NYAP1: variants seen among roughly 807,000 people sequenced by gnomAD.
NYAP1 encodes neuronal tyrosine phosphorylated phosphoinositide-3-kinase adaptor 1, also known as neuronal tyrosine-phosphorylated phosphoinositide-3-kinase adapter 1.
NYAP1 carries 20 observed loss-of-function variants against 58.6 expected under a neutral mutation model. That is an observed-to-expected ratio of 0.34 (90% confidence interval 0.24 to 0.50). The LOEUF (loss-of-function observed/expected upper bound fraction) is 0.50. NYAP1 is among the 20% of genes least tolerant of loss of function. NYAP1 has a pLI of 0.98. For missense variants in NYAP1, 1,150 were observed against 1,194.5 expected, an observed-to-expected ratio of 0.96 and a Z score of 0.55; for synonymous variants, 572 against 523.1, an observed-to-expected ratio of 1.09 and a Z score of -1.27.
At position 100,490,825 on chromosome 7, in the gene NYAP1, C is replaced by T. The variant is rs907218619; in HGVS notation, c.2158+96C>T. ...GTCCTGACTTCCTCTCACCTGTTCACGTCTGTGCCCAGGGCCCTAAATCCT... is the reference window on the plus strand; with the variant it reads ...GTCCTGACTTCCTCTCACCTGTTCATGTCTGTGCCCAGGGCCCTAAATCCT... On this transcript the variant is annotated intron_variant, in intron 5 of 6. Transcript: ENST00000300179. This position sits in a 1 kb window ranked among gnomAD's most constrained non-coding sequence, Gnocchi z 4.6. 3.7e-5 allele frequency: 46 copies of T among 1,228,454 alleles called. No individual in the cohort carries two copies. Among genetic ancestry groups the T allele is most frequent in the African/African-American group, 1.2e-4 (8 of 65,624 alleles). 76.1% of individuals were successfully genotyped at this position (1,228,454 alleles called of 1,614,324 possible).
chr7:100,491,649 C>T (rs1231187295), intron 6 of NYAP1, among the ~76,000 whole-genome samples: 2 of 150,950 alleles, frequency 1.3e-5, no homozygotes, highest in East Asian at 1.9e-4. Flanking sequence ...CGGTGGCTTA[C>T]GCCTGTAATC....
chr7:100,486,696 C>G lies in NYAP1; in HGVS notation c.69-125C>G, dbSNP rs543732502. ...GCCCTGGACCTTCTGGCAACCCTGT[C>G]CCCACCCAGGCTCCCGTCCTCTTCC... is the stretch of plus-strand genomic sequence containing the variant. On this transcript the variant is annotated intron_variant, in intron 2 of 6. Transcript: ENST00000300179. The surrounding 1 kb of genome is among the most constrained non-coding windows in gnomAD (Gnocchi z 6.2). The G allele has an allele frequency of 7.3e-5, 86 of 1,170,274 alleles. No homozygotes were observed. The highest frequency in any genetic ancestry group is 3.7e-4 in the Admixed American group (11 of 29,528). The allele number at this position is 1,170,274 out of a possible 1,614,324, so 72.5% of individuals were successfully genotyped here.
chr7:100,493,216 G>C (rs1161032642), intron 6 of NYAP1, among the ~76,000 whole-genome samples: 1 of 152,140 alleles, frequency 6.6e-6, no homozygotes, highest in Admixed American at 6.5e-5. Context: ...CAATTAGCTG[G>C]TGTAGTGGTA....
At position 100,488,513 on chromosome 7, in the gene NYAP1, G is replaced by A; in HGVS notation, c.792G>A (p.Met264Ile). 6.2e-7 allele frequency: 1 copy of A among 1,612,412 alleles called. No homozygotes were observed. The highest frequency in any genetic ancestry group is 8.5e-7 in the Non-Finnish European group (1 of 1,179,864). ...SEESEAIYEEMKYPLPEEAGE... is the reference protein window; with the variant it reads ...SEESEAIYEEIKYPLPEEAGE... Reference sequence around the variant, plus strand: ...AGAGTGAGGCCATCTATGAAGAGATGAAGTACCCGCTGCCGGAAGAGGCTG... The same window carrying A: ...AGAGTGAGGCCATCTATGAAGAGATAAAGTACCCGCTGCCGGAAGAGGCTG... Residue 264 changes from methionine to isoleucine, a missense_variant, in exon 4 of 7, where the codon ATG becomes ATA. Met to Ile is a conservative substitution (Grantham distance 10, BLOSUM62 1). Transcript: ENST00000300179. This position sits in a 1 kb window ranked among gnomAD's most constrained non-coding sequence, Gnocchi z 5.9.
intron 4 of NYAP1, 30 bp downstream of exon 4, chr7:100,489,696 C>G: frequency 8.6e-6 from 1 of 116,602 alleles, no homozygotes; most frequent in Non-Finnish European, 1.5e-5. Context: ...TGGGGGCTGG[C>G]ATCAGGGGTG....
In NYAP1 at chr7:100,485,271, A is replaced by C; in HGVS notation, c.-41A>C. 1 of 1,387,042 alleles carries C rather than the reference A, an allele frequency of 7.2e-7. No individual in the cohort carries two copies. The highest frequency in any genetic ancestry group is 1.2e-5 in the South Asian group (1 of 81,528). The allele number at this position is 1,387,042 out of a possible 1,614,324, so 85.9% of individuals were successfully genotyped here. On this transcript the variant is annotated 5_prime_UTR_variant, in exon 2 of 7. Transcript: ENST00000300179. This position sits in a 1 kb window ranked among gnomAD's most constrained non-coding sequence, Gnocchi z 5.7. The stretch of plus-strand genomic sequence containing the variant: ...AGGGCCGCCCCCCGGGCCTGGTGGC[A>C]CTGAGCAGGGCCCCCCAGCCCCCAC...
chr7:100,485,476 G>A lies in NYAP1; in HGVS notation c.68+97G>A, dbSNP rs1417609385. 2.2e-6 allele frequency: 2 copies of A among 894,090 alleles called. No individual in the cohort carries two copies. Among genetic ancestry groups the A allele is most frequent in the Non-Finnish European group, 3.6e-6 (2 of 563,244 alleles). The allele number at this position is 894,090 out of a possible 1,614,324, so 55.4% of individuals were successfully genotyped here. A position where few individuals can be genotyped will look rare whatever the true frequency, so the allele number is the denominator to read the frequency against. ...TCTCGGGGGCCGGCAGCCTTGTCATGAGTGAGCTCTCTGATCTCAGAGTCA... is the reference window on the plus strand; with the variant it reads ...TCTCGGGGGCCGGCAGCCTTGTCATAAGTGAGCTCTCTGATCTCAGAGTCA... On this transcript the variant is annotated intron_variant, in intron 2 of 6. Transcript: ENST00000300179. The surrounding 1 kb of genome is among the most constrained non-coding windows in gnomAD (Gnocchi z 5.7).
In NYAP1 at chr7:100,489,485, C is replaced by G. The variant is rs777500511; in HGVS notation, c.1764C>G (p.Ile588Met). 6.2e-7 allele frequency: 1 copy of G among 1,613,104 alleles called. No homozygotes were observed. The highest frequency in any genetic ancestry group is 2.2e-5 in the East Asian group (1 of 44,888). Residue 588 changes from isoleucine (I) to methionine (M), a missense_variant, in exon 4 of 7, where the codon ATC becomes ATG. Coordinates refer to ENST00000300179, the MANE Select transcript of NYAP1 (RefSeq NM_173564.4). ...GVGAPSPMVK[I>M]QLQEQGTDGG... ...GGGCCCCATCCCCCATGGTCAAGAT[C>G]CAGCTGCAGGAGCAAGGGACCGATG...
chr7:100,490,612 G>A lies in NYAP1; in HGVS notation c.2041G>A (p.Val681Met). Residue 681 changes from valine (V) to methionine (M), a missense_variant, in exon 5 of 7, where the codon GTG (valine) becomes ATG (methionine). Transcript: ENST00000300179. This position sits in a 1 kb window ranked among gnomAD's most constrained non-coding sequence, Gnocchi z 4.6. ...DRGPGTSGIP[V>M]RSQGAEGLLA... is the part of the protein sequence containing the mutation. Reference sequence around the variant, plus strand: ...GGGCCCTGGGACATCGGGGATCCCAGTGAGAAGCCAGGGGGCAGAGGGACT... The same window carrying A: ...GGGCCCTGGGACATCGGGGATCCCAATGAGAAGCCAGGGGGCAGAGGGACT... The A allele has an allele frequency of 6.3e-7, 1 of 1,576,838 alleles. No individual in the cohort carries two copies. Among genetic ancestry groups the A allele is most frequent in the Non-Finnish European group, 8.6e-7 (1 of 1,161,600 alleles).
Position 100,488,669 on chromosome 7 carries a change from C to T in NYAP1, c.948C>T (p.Thr316=). The change falls in exon 4 of 7, where the codon ACC becomes ACT. Residue 316 remains threonine (T), a synonymous_variant. Transcript: ENST00000300179. The surrounding 1 kb of genome is among the most constrained non-coding windows in gnomAD (Gnocchi z 5.9). ...ALPSRRDGTP[T]KTTPCEIPPP... ...CGAGCCGGAGGGACGGGACGCCCAC[C>T]AAGACCACTCCTTGTGAAATCCCCC... 6.2e-7 allele frequency: 1 copy of T among 1,611,616 alleles called. No individual in the cohort carries two copies. The highest frequency in any genetic ancestry group is 8.5e-7 in the Non-Finnish European group (1 of 1,179,510).
Position 100,489,559 on chromosome 7 carries a change from G to T in NYAP1, c.1838G>T (p.Gly613Val). 6.2e-7 allele frequency: 1 copy of T among 1,613,398 alleles called. No individual in the cohort carries two copies. Among genetic ancestry groups the T allele is most frequent in the Non-Finnish European group, 8.5e-7 (1 of 1,179,970 alleles). ...ISCAHVIASA[G>V]TPEEEEEEVG... is the part of the protein sequence containing the mutation. Reference sequence around the variant, plus strand: ...TGTGCCCACGTCATCGCCAGCGCAGGGACACCAGAGGAGGAAGAAGAGGAG... The same window carrying T: ...TGTGCCCACGTCATCGCCAGCGCAGTGACACCAGAGGAGGAAGAAGAGGAG... The change falls in exon 4 of 7, where the codon GGG becomes GTG. Residue 613 changes from glycine to valine, a missense_variant. Coordinates refer to ENST00000300179, the MANE Select transcript of NYAP1 (RefSeq NM_173564.4).
Position 100,488,097 on chromosome 7 carries a change from A to G in NYAP1, c.431-55A>G, listed in dbSNP as rs1015039872. 3.6e-6 allele frequency: 5 copies of G among 1,370,538 alleles called. No homozygotes were observed. Among genetic ancestry groups the G allele is most frequent in the Non-Finnish European group, 5.0e-6 (5 of 1,001,430 alleles). 84.9% of individuals were successfully genotyped at this position (1,370,538 alleles called of 1,614,324 possible). On this transcript the variant is annotated intron_variant, in intron 3 of 6. Transcript: ENST00000300179. The surrounding 1 kb of genome is among the most constrained non-coding windows in gnomAD (Gnocchi z 5.9). ...CAAGGGATCAGAATGGGCTCCTCCCACTTGCTCCCCTCATTAAAAGCCTGG... is the reference window on the plus strand; with the variant it reads ...CAAGGGATCAGAATGGGCTCCTCCCGCTTGCTCCCCTCATTAAAAGCCTGG...
chr7:100,486,757 TGGA>T lies in NYAP1; in HGVS notation c.69-62_69-60del. On this transcript the variant is annotated intron_variant, in intron 2 of 6. Transcript: ENST00000300179. The surrounding 1 kb of genome is among the most constrained non-coding windows in gnomAD (Gnocchi z 6.2). ...ACAGGGTTGCTGACACCTCTTGGGG[TGGA>T]GAAGGGGGATGCCCAGGTCCGAGGC... 2 of 1,405,924 alleles carry T rather than the reference TGGA, an allele frequency of 1.4e-6. No individual in the cohort carries two copies. The highest frequency in any genetic ancestry group is 1.8e-6 in the Non-Finnish European group (2 of 1,084,954). The allele number at this position is 1,405,924 out of a possible 1,614,324, so 87.1% of individuals were successfully genotyped here. A position where few individuals can be genotyped will look rare whatever the true frequency, so the allele number is the denominator to read the frequency against.
chr7:100,493,160 G>A (rs1227049554), intron 6 of NYAP1, among the ~76,000 whole-genome samples: 1 of 152,110 alleles, frequency 6.6e-6, no homozygotes, highest in Non-Finnish European at 1.5e-5. Context: ...TGGCAACAAA[G>A]CAAGATCCCA....
In NYAP1 at chr7:100,488,039, A is replaced by C. The variant is rs1584359002; in HGVS notation, c.431-113A>C. 1 of 717,736 alleles carries C rather than the reference A, an allele frequency of 1.4e-6. No homozygotes were observed. Among genetic ancestry groups the C allele is most frequent in the East Asian group, 2.7e-5 (1 of 36,450 alleles). The allele number at this position is 717,736 out of a possible 1,614,324, so 44.5% of individuals were successfully genotyped here. A position where few individuals can be genotyped will look rare whatever the true frequency, so the allele number is the denominator to read the frequency against. On this transcript the variant is annotated intron_variant, in intron 3 of 6. Coordinates refer to ENST00000300179, the MANE Select transcript of NYAP1 (RefSeq NM_173564.4). The surrounding 1 kb of genome is among the most constrained non-coding windows in gnomAD (Gnocchi z 5.9). ...GCTGTAAGTTGAGGAATGTGGGGAA[A>C]AGGAAGAGGCAGATATGTCCTTGCA...
chr7:100,485,051 C>T lies in NYAP1; in HGVS notation c.-84-177C>T, dbSNP rs893710218. Among the ~76,000 whole-genome samples, 5 of 151,950 alleles carry T rather than the reference C, an allele frequency of 3.3e-5. No individual in the cohort carries two copies. The highest frequency in any genetic ancestry group is 7.4e-5 in the Non-Finnish European group (5 of 67,970). The stretch of plus-strand genomic sequence containing the variant: ...TATTTGGGGCTCTGAACACCTTTGT[C>T]GGGGTCTGTGTCTGTCTGTCTGTGG... On this transcript the variant is annotated intron_variant, in intron 1 of 6. Coordinates refer to ENST00000300179, the MANE Select transcript of NYAP1 (RefSeq NM_173564.4). The surrounding 1 kb of genome is among the most constrained non-coding windows in gnomAD (Gnocchi z 5.7).
chr7:100,488,313 A>C lies in NYAP1; in HGVS notation c.592A>C (p.Arg198=). ...GAACCTGCCTCTTCAGCGCCTCACT[A>C]GGGGGTCCCGAGTAGCTGGGGACCC... ...GGNLPLQRLT[R]GSRVAGDPDV... Residue 198 remains arginine (R), a synonymous_variant, in exon 4 of 7, where the codon AGG becomes CGG. Coordinates refer to ENST00000300179, the MANE Select transcript of NYAP1 (RefSeq NM_173564.4). The surrounding 1 kb of genome is among the most constrained non-coding windows in gnomAD (Gnocchi z 5.9). The C allele has an allele frequency of 1.9e-6, 3 of 1,612,220 alleles. No homozygotes were observed. The highest frequency in any genetic ancestry group is 2.5e-6 in the Non-Finnish European group (3 of 1,179,338).
rs113769207 is a variant in NYAP1 at position 100,494,070 on chromosome 7, A to G, written c.*167A>G. On this transcript the variant is annotated 3_prime_UTR_variant, in exon 7 of 7. Coordinates refer to ENST00000300179, the MANE Select transcript of NYAP1 (RefSeq NM_173564.4). Reference sequence around the variant, plus strand: ...GGGATGGGGAGAGTCTGCCAGGCCCATTGGGCTTAGGATGCCAACAGCGCT... The same window carrying G: ...GGGATGGGGAGAGTCTGCCAGGCCCGTTGGGCTTAGGATGCCAACAGCGCT... 4.9e-6 allele frequency: 3 copies of G among 614,604 alleles called. No individual in the cohort carries two copies. Among genetic ancestry groups the G allele is most frequent in the African/African-American group, 2.0e-5 (1 of 50,798 alleles). The allele number at this position is 614,604 out of a possible 1,614,324, so 38.1% of individuals were successfully genotyped here.
rs777500511 is a variant in NYAP1 at position 100,489,485 on chromosome 7, C to A, written c.1764C>A (p.Ile588=). 2.5e-6 allele frequency: 4 copies of A among 1,613,222 alleles called. No individual in the cohort carries two copies. Among genetic ancestry groups the A allele is most frequent in the Non-Finnish European group, 3.4e-6 (4 of 1,179,940 alleles). ...GGGCCCCATCCCCCATGGTCAAGATCCAGCTGCAGGAGCAAGGGACCGATG... is the reference window on the plus strand; with the variant it reads ...GGGCCCCATCCCCCATGGTCAAGATACAGCTGCAGGAGCAAGGGACCGATG... The part of the protein sequence containing the change: ...GVGAPSPMVK[I]QLQEQGTDGG... The change falls in exon 4 of 7, where the codon ATC becomes ATA. Residue 588 remains isoleucine, a synonymous_variant. Coordinates refer to ENST00000300179, the MANE Select transcript of NYAP1 (RefSeq NM_173564.4).
Sources: gnomAD v4.1 joint callset for allele counts (sites outside exome capture counted in the v4.1 genomes callset) on GRCh38, gnomAD v4.1.1 for gene constraint, Gnocchi (gnomAD v3.1) non-coding constraint, MANE v1.5 for transcripts, NCBI Gene and HGNC (gene_info 2026-07-23, HGNC 2026-07-21) for gene names.